PPARG: variants seen among roughly 807,000 people sequenced by gnomAD.
PPARG encodes the protein peroxisome proliferator activated receptor gamma, also known as peroxisome proliferator-activated receptor gamma.
In PPARG, 17 loss-of-function variants were observed where a neutral mutation model predicts 39.2. That is an observed-to-expected ratio of 0.43 (90% CI 0.30 to 0.65). The LOEUF is 0.65. Among genes scored for constraint, PPARG ranks in the 30% least tolerant of loss-of-function variants. The probability of loss-of-function intolerance (pLI) is 0.13; values close to 1 mark genes in which losing one functional copy is unlikely to be tolerated. For synonymous variants in PPARG, 223 were observed against 215.7 expected (o/e 1.03, Z -0.30); for missense variants, 406 against 585.9 (o/e 0.69, Z 3.17).
chr3:12,385,603 T>C (rs1201591965), intron 4 of PPARG, among the ~76,000 whole-genome samples: 1 of 152,172 alleles, frequency 6.6e-6, no homozygotes, highest in Non-Finnish European at 1.5e-5. Context: ...AAAGATCATT[T>C]TGGAACCATA....
intron 2 of PPARG, among the ~76,000 whole-genome samples, chr3:12,360,457 G>T (rs2125115985): frequency 6.6e-6 from 1 of 151,800 alleles, no homozygotes; most frequent in East Asian, 1.9e-4. Flanking sequence ...CCCACTCCTA[G>T]GACCCATATG....
chr3:12,342,146 C>G (rs143175747), intron 2 of PPARG, among the ~76,000 whole-genome samples: 209 of 152,192 alleles, frequency 1.4e-3, no homozygotes, highest in African/African-American at 4.9e-3. Context: ...TATATTCAAG[C>G]CTAAAATGTT....
chr3:12,383,783 A>G (rs1355750924), intron 4 of PPARG, among the ~76,000 whole-genome samples: 1 of 152,114 alleles, frequency 6.6e-6, no homozygotes, highest in Non-Finnish European at 1.5e-5. Context: ...GTAGTTGGTT[A>G]TAGTGATAAA....
intron 1 of PPARG, among the ~76,000 whole-genome samples, chr3:12,292,493 G>T (rs552314727): frequency 2.0e-5 from 3 of 152,086 alleles, no homozygotes; most frequent in Admixed American, 2.0e-4. Flanking sequence ...TTAAAAATGG[G>T]TCTCTTTCAA....
At chr3:12,330,301 TTAAAAA>T (rs1287144798) in intron 2 of PPARG, among the ~76,000 whole-genome samples, 1 of 114,518 alleles carries the variant, frequency 8.7e-6, no homozygotes, top group African/African-American at 3.2e-5. Flanking sequence ...ACACCTTTTT[TTAAAAA>T]AAAAAAAAAA....
chr3:12,419,164 C>T (rs576095204), intron 7 of PPARG, among the ~76,000 whole-genome samples: 5 of 152,164 alleles, frequency 3.3e-5, no homozygotes, highest in East Asian at 3.9e-4. Context: ...AGGCTGGTCT[C>T]GAACTCCTGA....
intron 2 of PPARG, among the ~76,000 whole-genome samples, chr3:12,359,564 G>T (rs770804337): frequency 4.0e-5 from 6 of 151,840 alleles, no homozygotes; most frequent in Non-Finnish European, 7.4e-5. Context: ...AAAAATTCCT[G>T]CATTGTTTAA....
chr3:12,386,495 CATT>C (rs2049876966), intron 4 of PPARG, among the ~76,000 whole-genome samples: 1 of 151,318 alleles, frequency 6.6e-6, no homozygotes, highest in African/African-American at 2.4e-5. Flanking sequence ...CAGAAATTTC[CATT>C]ATAAGAGTTA....
chr3:12,306,583 C>T (rs985357313), intron 1 of PPARG, among the ~76,000 whole-genome samples: 3 of 152,146 alleles, frequency 2.0e-5, no homozygotes, highest in African/African-American at 7.2e-5. Flanking sequence ...CCATCACCAC[C>T]GCCACCACTA....
chr3:12,355,657 C>CT (rs1055161907), intron 2 of PPARG, among the ~76,000 whole-genome samples: 6 of 152,130 alleles, frequency 3.9e-5, no homozygotes, highest in African/African-American at 1.4e-4. Context: ...TTGTCTCATA[C>CT]TTTCCTCCAA....
chr3:12,367,589 C>T (rs560686656), intron 2 of PPARG, among the ~76,000 whole-genome samples: 3 of 151,644 alleles, frequency 2.0e-5, no homozygotes, highest in Admixed American at 6.6e-5. Context: ...TGACTCATGC[C>T]TGTAATCCCA....
intron 2 of PPARG, among the ~76,000 whole-genome samples, chr3:12,327,444 T>C (rs1475826599): frequency 1.3e-5 from 2 of 152,202 alleles, no homozygotes; most frequent in African/African-American, 4.8e-5. Flanking sequence ...ATCTTTATTA[T>C]GAGTAGTCGC....
At chr3:12,367,297 C>A (rs778190851) in intron 2 of PPARG, among the ~76,000 whole-genome samples, 1 of 152,176 alleles carries the variant, frequency 6.6e-6, no homozygotes, top group Non-Finnish European at 1.5e-5. Flanking sequence ...ACCAAAGCAA[C>A]TGTTCAACAG....
chr3:12,344,327 C>G (rs941847494), intron 2 of PPARG, among the ~76,000 whole-genome samples: 6 of 151,764 alleles, frequency 4.0e-5, no homozygotes, highest in African/African-American at 1.5e-4. Context: ...AAGATATATT[C>G]TATAAGTTCA....
intron 7 of PPARG, among the ~76,000 whole-genome samples, chr3:12,424,073 G>A (rs900544018): frequency 4.6e-5 from 7 of 152,078 alleles, no homozygotes; most frequent in Admixed American, 2.6e-4. Context: ...ATAATGACTC[G>A]CTTTGAGTTA....
At chr3:12,432,990 A>C (rs1363137955) in intron 7 of PPARG, among the ~76,000 whole-genome samples, 1 of 152,230 alleles carries the variant, frequency 6.6e-6, no homozygotes, top group Non-Finnish European at 1.5e-5. Context: ...GAAAAATCTA[A>C]AGAAGAACTA....
intron 7 of PPARG, among the ~76,000 whole-genome samples, chr3:12,427,431 A>G (rs987108053): frequency 6.6e-6 from 1 of 152,174 alleles, no homozygotes; most frequent in Non-Finnish European, 1.5e-5. Context: ...GAACAACTCA[A>G]AAACCTTCAA....
intron 6 of PPARG, among the ~76,000 whole-genome samples, chr3:12,411,819 A>G (rs1020818558): frequency 2.0e-5 from 3 of 152,182 alleles, no homozygotes; most frequent in Non-Finnish European, 4.4e-5. Context: ...CAAACCAATG[A>G]GTTTTGGATT....
chr3:12,361,204 C>G (rs955625082), intron 2 of PPARG, among the ~76,000 whole-genome samples: 2 of 152,120 alleles, frequency 1.3e-5, no homozygotes, highest in African/African-American at 4.8e-5. Flanking sequence ...GCTATCCTTT[C>G]TTGTAAAGTA....
Sources: allele counts gnomAD v4.1 joint callset (sites outside exome capture counted in the v4.1 genomes callset), GRCh38; gene constraint gnomAD v4.1.1; transcripts MANE v1.5; gene names NCBI Gene and HGNC (gene_info 2026-07-23, HGNC 2026-07-21).